HDX: variants seen among roughly 807,000 people sequenced by gnomAD.
HDX encodes the protein chromosome X open reading frame 43.
HDX carries 19 observed loss-of-function variants against 45.2 expected under a neutral mutation model. The observed-to-expected ratio is 0.42, with a 90% CI of 0.29 to 0.62. HDX has a LOEUF of 0.62. Among genes scored for constraint, HDX ranks in the 20% least tolerant of loss-of-function variants. The pLI, the probability that HDX is intolerant of heterozygous loss-of-function variation, is 0.20. For synonymous variants in HDX, 188 were observed against 172.8 expected (o/e 1.09, Z -0.69); for missense variants, 532 against 493.9 (o/e 1.08, Z -0.73).
intron 3 of HDX, among the ~76,000 whole-genome samples, chrX:84,472,882 C>T (rs1200242117): frequency 9.1e-6 from 1 of 109,587 alleles, no homozygotes; most frequent in Non-Finnish European, 1.9e-5. Flanking sequence ...AAAATTTGTT[C>T]AGTTATTATC....
At chrX:84,322,970 G>T (rs1462553933) in intron 10 of HDX, among the ~76,000 whole-genome samples, 2 of 110,664 alleles carry the variant, frequency 1.8e-5, no homozygotes, top group Admixed American at 1.9e-4. Flanking sequence ...CTTGTCACTA[G>T]CCAATTAAGG....
At chrX:84,451,200 G>A (rs2039988709) in intron 4 of HDX, among the ~76,000 whole-genome samples, 1 of 110,373 alleles carries the variant, frequency 9.1e-6, no homozygotes, top group Non-Finnish European at 1.9e-5. Context: ...AAACAAAATA[G>A]ACACTAAAAA....
At chrX:84,492,341 A>C (rs968933121) in intron 1 of HDX, among the ~76,000 whole-genome samples, 1 of 110,588 alleles carries the variant, frequency 9.0e-6, no homozygotes, top group African/African-American at 3.3e-5. Flanking sequence ...AAATCCTGTT[A>C]CTGTTACTTC....
At chrX:84,463,150 G>A (rs2040275359) in intron 4 of HDX, among the ~76,000 whole-genome samples, 1 of 110,623 alleles carries the variant, frequency 9.0e-6, no homozygotes, top group South Asian at 3.8e-4. Context: ...CACTTTTAAT[G>A]TGTGAATTTT....
intron 5 of HDX, among the ~76,000 whole-genome samples, chrX:84,437,923 G>T (rs1388805354): frequency 5.4e-5 from 6 of 110,983 alleles, no homozygotes. Flanking sequence ...AGAACGTCCT[G>T]GTCTAGCAGG....
intron 9 of HDX, among the ~76,000 whole-genome samples, chrX:84,333,211 T>C (rs1213901164): frequency 9.0e-6 from 1 of 111,275 alleles, no homozygotes; most frequent in Non-Finnish European, 1.9e-5. Context: ...ACATATTTAA[T>C]AAAATAATAT....
intron 2 of HDX, among the ~76,000 whole-genome samples, chrX:84,487,316 G>C (rs1039185884): frequency 8.9e-6 from 1 of 111,905 alleles, no homozygotes; most frequent in South Asian, 3.7e-4. Context: ...CAACATCTGG[G>C]TCATATTGGT....
At chrX:84,390,484 C>T (rs1422073282) in intron 5 of HDX, among the ~76,000 whole-genome samples, 2 of 111,191 alleles carry the variant, frequency 1.8e-5, no homozygotes, top group Non-Finnish European at 3.8e-5. Flanking sequence ...AGAGGGTGGG[C>T]AGGGATTGGA....
chrX:84,367,770 A>G, intron 5 of HDX, among the ~76,000 whole-genome samples: 1 of 111,874 alleles, frequency 8.9e-6, no homozygotes, highest in Non-Finnish European at 1.9e-5. Context: ...CAAACACCGC[A>G]TGTTCTCACT....
chrX:84,421,781 C>A (rs2039258772), intron 5 of HDX, among the ~76,000 whole-genome samples: 1 of 110,528 alleles, frequency 9.0e-6, no homozygotes, highest in African/African-American at 3.3e-5. Flanking sequence ...TTATATCAGA[C>A]AAAATAGATA....
intron 5 of HDX, among the ~76,000 whole-genome samples, chrX:84,423,897 T>C (rs1157286667): frequency 2.7e-5 from 3 of 111,523 alleles, no homozygotes; most frequent in Non-Finnish European, 5.7e-5. Flanking sequence ...AGATTTCCTC[T>C]AACATGTTGA....
chrX:84,447,909 C>T (rs2039907768), intron 4 of HDX, among the ~76,000 whole-genome samples: 1 of 111,461 alleles, frequency 9.0e-6, no homozygotes, highest in Non-Finnish European at 1.9e-5. Context: ...GTTCAGGATG[C>T]TGCCACTGAA....
At chrX:84,485,804 C>T (rs892533817) in intron 2 of HDX, among the ~76,000 whole-genome samples, 4 of 111,997 alleles carry the variant, frequency 3.6e-5, no homozygotes, top group Non-Finnish European at 7.5e-5. Flanking sequence ...TTATGTAATG[C>T]TGCTCTTTAT....
intron 4 of HDX, among the ~76,000 whole-genome samples, chrX:84,442,504 G>A (rs921417250): frequency 9.0e-6 from 1 of 111,103 alleles, no homozygotes; most frequent in African/African-American, 3.3e-5. Context: ...TACTATTACA[G>A]TAAAATAGCA....
Position 84,476,713 on chromosome X carries a change from CT to C in HDX, c.1-1317del, listed in dbSNP as rs1341656252. On this transcript the variant is annotated intron_variant, in intron 2 of 10. Coordinates refer to ENST00000373177, the MANE Select transcript of HDX (RefSeq NM_001177479.2). ...ACCAAGTACATTGACACGGAAATAA[CT>C]TATCTTTCTCTGAATACTTTAAAAA... is the stretch of plus-strand genomic sequence containing the variant. Among the ~76,000 whole-genome samples, 377 of 111,492 alleles carry C rather than the reference CT, an allele frequency of 3.4e-3. 3 individuals are homozygous for C. Among genetic ancestry groups the C allele is most frequent in the African/African-American group, 0.012 (355 of 30,731 alleles).
intron 1 of HDX, among the ~76,000 whole-genome samples, chrX:84,489,273 A>G (rs778977100): frequency 1.8e-5 from 2 of 111,781 alleles, no homozygotes; most frequent in Non-Finnish European, 1.9e-5. Context: ...ATTAAAATCA[A>G]CCTCTCTACC....
chrX:84,469,751 A>T (rs2040422049), intron 3 of HDX, among the ~76,000 whole-genome samples, 176 bp from the exon 4 acceptor site: 1 of 112,231 alleles, frequency 8.9e-6, no homozygotes, highest in African/African-American at 3.2e-5. Flanking sequence ...AAAGATGATC[A>T]GGGACTCACA....
At chrX:84,401,423 G>A (rs748902151) in intron 5 of HDX, among the ~76,000 whole-genome samples, 55 of 111,884 alleles carry the variant, frequency 4.9e-4, no homozygotes, top group African/African-American at 1.4e-3. Flanking sequence ...CTTCTCAAAA[G>A]AAGACATTTA....
At position 84,345,568 on chromosome X, in the gene HDX, G is replaced by T. The variant is rs750979088; in HGVS notation, c.1453-1111C>A. Reference sequence around the variant, plus strand: ...ACACTTGCATTGTTTCAGATGTTTTGCTTATTACATATAAAGCCATTGTGA... The same window carrying T: ...ACACTTGCATTGTTTCAGATGTTTTTCTTATTACATATAAAGCCATTGTGA... On this transcript the variant is annotated intron_variant, in intron 6 of 10. Transcript: ENST00000373177. Among the ~76,000 whole-genome samples the T allele has an allele frequency of 2.1e-3, 230 of 111,492 alleles. 1 individual carries two copies. The highest frequency in any genetic ancestry group is 3.8e-3 in the Non-Finnish European group (202 of 52,848).
Sources: gnomAD v4.1 joint callset for allele counts (sites outside exome capture counted in the v4.1 genomes callset) on GRCh38, gnomAD v4.1.1 for gene constraint, MANE v1.5 for transcripts, NCBI Gene and HGNC (gene_info 2026-07-23, HGNC 2026-07-21) for gene names.